The following UQCRC2 variants were observed in gnomAD, a reference collection of about 807,000 sequenced individuals.
UQCRC2 encodes cytochrome b-c1 complex subunit 2, mitochondrial.
A neutral mutation model predicts 55.6 loss-of-function variants in UQCRC2; 49 were observed. The ratio of observed to expected loss-of-function variants is 0.88; its 90% CI spans 0.70 to 1.12. The LOEUF (loss-of-function observed/expected upper bound fraction) is 1.12, where lower values mean the gene tolerates loss of function less well. Ranked by LOEUF, UQCRC2 falls within the 50% of genes most tolerant of loss-of-function variation. The probability of loss-of-function intolerance (pLI) is 0.00; values close to 1 mark genes in which losing one functional copy is unlikely to be tolerated. For missense variants in UQCRC2, 506 were observed against 547.8 expected, an observed-to-expected ratio of 0.92 and a Z score of 0.76; for synonymous variants, 193 against 192.0, an observed-to-expected ratio of 1.01 and a Z score of -0.04.
At chr16:21,974,235 G>T (rs910074391) in intron 11 of UQCRC2, among the ~76,000 whole-genome samples, 1 of 152,160 alleles carries the variant, frequency 6.6e-6, no homozygotes, top group African/African-American at 2.4e-5. Flanking sequence ...TTGGCTCTGA[G>T]ACATCTAAAT....
At chr16:21,973,800 C>A in intron 10 of UQCRC2, 96 bp from the exon 11 acceptor site, 2 of 1,042,926 alleles carry the variant, frequency 1.9e-6, no homozygotes, top group Non-Finnish European at 2.9e-6. Flanking sequence ...TTTGTTTATA[C>A]CGTGAAGGTC....
intron 13 of UQCRC2, 105 bp from the exon 14 acceptor site, chr16:21,982,983 A>T: frequency 6.2e-6 from 6 of 960,064 alleles, no homozygotes; most frequent in Non-Finnish European, 9.1e-6. Flanking sequence ...AAAAAAAAAA[A>T]GAATGTCCTA....
intron 1 of UQCRC2, among the ~76,000 whole-genome samples, chr16:21,955,054 CA>C (rs11388256): frequency 6.3e-4 from 64 of 101,858 alleles, no homozygotes; most frequent in East Asian, 4.1e-3. Context: ...GACTCCGTCT[CA>C]AAAAAAAAAA....
In UQCRC2 at chr16:21,962,535, T is replaced by G; in HGVS notation, c.389+19T>G. On this transcript the variant is annotated intron_variant, in intron 5 of 13. Transcript: ENST00000268379. ...GTGATGTGTAAGTACCTGTGTGTGT[T>G]TAGGACTTCTGCTTTGAAAGAAATA... 1.2e-6 allele frequency: 2 copies of G among 1,614,102 alleles called. No homozygotes were observed. Among genetic ancestry groups the G allele is most frequent in the Non-Finnish European group, 1.7e-6 (2 of 1,179,988 alleles).
intron 2 of UQCRC2, 21 bp downstream of exon 2, chr16:21,957,339 C>T (rs771136991): frequency 3.7e-6 from 6 of 1,613,910 alleles, no homozygotes; most frequent in Non-Finnish European, 5.1e-6. Context: ...CTAACTTGCT[C>T]GCTGGAAGCT....
intron 8 of UQCRC2, among the ~76,000 whole-genome samples, chr16:21,969,379 C>G (rs1357488489): frequency 3.3e-5 from 5 of 152,036 alleles, no homozygotes; most frequent in Non-Finnish European, 5.9e-5. Flanking sequence ...ACTAAAAATA[C>G]AAAAATTAGT....
intron 8 of UQCRC2, among the ~76,000 whole-genome samples, chr16:21,970,311 GAACA>G (rs1473421393): frequency 1.3e-5 from 2 of 152,158 alleles, no homozygotes; most frequent in Non-Finnish European, 2.9e-5. Context: ...TTATGTCTAA[GAACA>G]GAATTGCCAG....
At chr16:21,973,815 T>G in intron 10 of UQCRC2, 81 bp from the exon 11 acceptor site, 1 of 1,376,678 alleles carries the variant, frequency 7.3e-7, no homozygotes, top group Non-Finnish European at 1.0e-6. Flanking sequence ...AAGGTCCAAG[T>G]TTTTTCTAGG....
intron 1 of UQCRC2, among the ~76,000 whole-genome samples, chr16:21,955,946 C>A (rs1240867732): frequency 6.6e-6 from 1 of 152,172 alleles, no homozygotes; most frequent in Non-Finnish European, 1.5e-5. Context: ...CTGCCTCAGC[C>A]TCCCCAGTAG....
intron 10 of UQCRC2, among the ~76,000 whole-genome samples, chr16:21,973,093 C>CT (rs1004671626): frequency 6.6e-6 from 1 of 152,150 alleles, no homozygotes; most frequent in African/African-American, 2.4e-5. Flanking sequence ...GAGCAAGACT[C>CT]TGTCTCAAAA....
At chr16:21,983,011 T>A in intron 13 of UQCRC2, 77 bp from the exon 14 acceptor site, 1 of 1,297,994 alleles carries the variant, frequency 7.7e-7, no homozygotes, top group Non-Finnish European at 1.1e-6. Context: ...ATTCTTGAAA[T>A]GACAAAATAA....
chr16:21,955,571 AAATG>A (rs1350147457), intron 1 of UQCRC2, among the ~76,000 whole-genome samples: 7 of 152,224 alleles, frequency 4.6e-5, no homozygotes, highest in Non-Finnish European at 8.8e-5. Flanking sequence ...AAACTGAATA[AAATG>A]AATGCATTTT....
chr16:21,955,240 A>C (rs965677415), intron 1 of UQCRC2, among the ~76,000 whole-genome samples: 1 of 152,224 alleles, frequency 6.6e-6, no homozygotes, highest in African/African-American at 2.4e-5. Context: ...AAGGTTAACT[A>C]TACCATACCC....
At chr16:21,956,565 G>C (rs147028954) in intron 1 of UQCRC2, among the ~76,000 whole-genome samples, 6 of 152,094 alleles carry the variant, frequency 3.9e-5, no homozygotes, top group Non-Finnish European at 7.4e-5. Context: ...TTGTGGATGG[G>C]GTGATCTGAC....
chr16:21,966,470 C>T (rs1323725303), intron 7 of UQCRC2, among the ~76,000 whole-genome samples: 2 of 152,096 alleles, frequency 1.3e-5, no homozygotes, highest in African/African-American at 2.4e-5. Flanking sequence ...GACCCAAAAA[C>T]AAATTTTATC....
intron 12 of UQCRC2, among the ~76,000 whole-genome samples, chr16:21,979,559 A>G (rs1898665151): frequency 6.6e-6 from 1 of 152,196 alleles, no homozygotes; most frequent in Admixed American, 6.5e-5. Context: ...CACAAAGGTA[A>G]GTATTTGTGC....
Position 21,976,213 on chromosome 16 carries a change from A to T in UQCRC2, c.1094A>T (p.Asn365Ile), listed in dbSNP as rs764948064. The change falls in exon 12 of 14, where the codon AAC becomes ATC. Residue 365 changes from asparagine (N) to isoleucine (I), a missense_variant. Transcript: ENST00000268379. The stretch of plus-strand genomic sequence containing the variant: ...CAAGTAAAAACAATAGCTCAAGGAA[A>T]CCTTTCCAACACAGATGTCCAAGCT... The part of the protein sequence containing the change: ...YNQVKTIAQG[N>I]LSNTDVQAAK... 18 of 1,614,020 alleles carry T rather than the reference A, an allele frequency of 1.1e-5. No individual in the cohort carries two copies. Among genetic ancestry groups the T allele is most frequent in the Admixed American group, 8.3e-5 (5 of 60,030 alleles).
intron 10 of UQCRC2, among the ~76,000 whole-genome samples, chr16:21,973,482 A>T (rs1336746283): frequency 2.6e-5 from 4 of 152,190 alleles, no homozygotes; most frequent in African/African-American, 9.6e-5. Flanking sequence ...TAACTTTCTG[A>T]CATGAGTGTA....
At chr16:21,975,530 T>C (rs1036429404) in intron 11 of UQCRC2, among the ~76,000 whole-genome samples, 7 of 152,092 alleles carry the variant, frequency 4.6e-5, no homozygotes, top group African/African-American at 1.7e-4. Flanking sequence ...AAAATCATGG[T>C]CAGATTTATT....
Sources: allele counts gnomAD v4.1 joint callset (sites outside exome capture counted in the v4.1 genomes callset), GRCh38; gene constraint gnomAD v4.1.1; transcripts MANE v1.5; gene names NCBI Gene and HGNC (gene_info 2026-07-23, HGNC 2026-07-21).